Variants in CRISP3 observed in about 807,000 individuals in gnomAD.
CRISP3 encodes the protein cysteine-rich secretory protein 3.
In CRISP3, 33 loss-of-function variants were observed where a neutral mutation model predicts 36.1. That is an observed-to-expected ratio of 0.91 (90% confidence interval 0.69 to 1.22). The LOEUF is 1.22. Among genes scored for constraint, CRISP3 ranks in the 50% most tolerant of loss-of-function variants. The pLI is 0.00. For missense variants in CRISP3, 330 were observed against 301.2 expected (o/e 1.10, Z -0.71); for synonymous variants, 117 against 104.6 (o/e 1.12, Z -0.72).
chr6:49,738,075 C>T (rs1210535699), intron 1 of CRISP3, among the ~76,000 whole-genome samples: 1 of 152,066 alleles, frequency 6.6e-6, no homozygotes, highest in Non-Finnish European at 1.5e-5. Context: ...ACATTTTTTT[C>T]CTCTGGATCT....
At position 49,735,495 on chromosome 6, in the gene CRISP3, T is replaced by C; in HGVS notation, c.316+9A>G. On this transcript the variant is annotated intron_variant, in intron 4 of 7. Transcript: ENST00000263045. ...GATTTATTCAACAAATATTTCCTAA[T>C]TTACATACTTGTCATTCGATCCTTT... is the stretch of plus-strand genomic sequence containing the variant. 6.3e-7 allele frequency: 1 copy of C among 1,587,418 alleles called. No individual in the cohort carries two copies. Among genetic ancestry groups the C allele is most frequent in the East Asian group, 2.2e-5 (1 of 44,628 alleles).
rs1013049110 is a variant in CRISP3 at position 49,744,387 on chromosome 6, G to T, written c.-20C>A. The T allele has an allele frequency of 2.4e-5, 37 of 1,531,368 alleles. No individual in the cohort carries two copies. Among genetic ancestry groups the T allele is most frequent in the Non-Finnish European group, 3.1e-5 (36 of 1,143,888 alleles). The allele number at this position is 1,531,368 out of a possible 1,614,324, so 94.9% of individuals were successfully genotyped here. On this transcript the variant is annotated 5_prime_UTR_variant, in exon 1 of 8. Transcript: ENST00000263045. ...TTTCATCTATTGACAGAAGGAAGGT[G>T]CAGAGAGAGAAGGTTAGAGCCGTAT... is the stretch of plus-strand genomic sequence containing the variant.
chr6:49,728,935 T>C, intron 7 of CRISP3, 78 bp from the exon 8 acceptor site: 1 of 1,401,774 alleles, frequency 7.1e-7, no homozygotes, highest in Non-Finnish European at 9.8e-7. Flanking sequence ...ACATTCTATA[T>C]GAACGGAGAG....
intron 1 of CRISP3, among the ~76,000 whole-genome samples, chr6:49,739,197 C>T (rs148329859): frequency 1.1e-3 from 167 of 152,294 alleles, no homozygotes; most frequent in African/African-American, 3.8e-3. Context: ...CCCTCTAGTG[C>T]GTCTCCTGCA....
Position 49,733,208 on chromosome 6 carries a change from G to C in CRISP3, c.547C>G (p.Gln183Glu). 1 of 1,589,828 alleles carries C rather than the reference G, an allele frequency of 6.3e-7. No individual in the cohort carries two copies. Among genetic ancestry groups the C allele is most frequent in the Non-Finnish European group, 8.6e-7 (1 of 1,161,306 alleles). Residue 183 changes from glutamine (Q) to glutamate (E), a missense_variant, in exon 6 of 8, where the codon CAA (glutamine) becomes GAA (glutamate). By Grantham distance (29) the Gln-to-Glu change is conservative (BLOSUM62 2). Coordinates refer to ENST00000263045, the MANE Select transcript of CRISP3 (RefSeq NM_006061.4). Reference protein sequence around the residue: ...QKVLKYYYVCQYCPAGNWANR... With the variant: ...QKVLKYYYVCEYCPAGNWANR... ...ATATATACTTACGCAGGACAATATT[G>C]GCAAACATAGTAGTATTTTAGAACT...
Position 49,728,646 on chromosome 6 carries a change from A to T in CRISP3, c.*84T>A, listed in dbSNP as rs1263104422. ...ACATGCCTACAATTTCTCAGCTAGT[A>T]TATGTTAAATCTAAGTAGATGCCAA... is the stretch of plus-strand genomic sequence containing the variant. On this transcript the variant is annotated 3_prime_UTR_variant, in exon 8 of 8. Coordinates refer to ENST00000263045, the MANE Select transcript of CRISP3 (RefSeq NM_006061.4). The T allele has an allele frequency of 2.6e-6, 3 of 1,149,974 alleles. No individual in the cohort carries two copies. Among genetic ancestry groups the T allele is most frequent in the Non-Finnish European group, 3.5e-6 (3 of 859,368 alleles). The allele number at this position is 1,149,974 out of a possible 1,614,324, so 71.2% of individuals were successfully genotyped here. A position where few individuals can be genotyped will look rare whatever the true frequency, so the allele number is the denominator to read the frequency against.
At chr6:49,740,575 ATGTGTGTGTG>A (rs35601509) in intron 1 of CRISP3, among the ~76,000 whole-genome samples, 56 of 141,540 alleles carry the variant, frequency 4.0e-4, no homozygotes, top group Admixed American at 5.7e-4. Flanking sequence ...GTGTATATGG[ATGTGTGTGTG>A]TGTGTGTGTG....
At chr6:49,739,638 C>T (rs1262602748) in intron 1 of CRISP3, among the ~76,000 whole-genome samples, 1 of 152,112 alleles carries the variant, frequency 6.6e-6, no homozygotes, top group East Asian at 1.9e-4. Flanking sequence ...CAGAGAGTCG[C>T]TGTAATATTT....
intron 6 of CRISP3, 36 bp downstream of exon 6, chr6:49,733,159 G>A (rs1768956471): frequency 1.7e-6 from 2 of 1,146,214 alleles, no homozygotes; most frequent in Non-Finnish European, 2.5e-6. Flanking sequence ...ATTGTATTTA[G>A]CATTATTGAC....
At chr6:49,739,882 T>C (rs1769155143) in intron 1 of CRISP3, among the ~76,000 whole-genome samples, 1 of 152,218 alleles carries the variant, frequency 6.6e-6, no homozygotes, top group African/African-American at 2.4e-5. Context: ...CTTAATTCAT[T>C]TCACTTGAAA....
chr6:49,735,699 T>C, intron 3 of CRISP3, 108 bp from the exon 4 acceptor site: 2 of 699,874 alleles, frequency 2.9e-6, no homozygotes, highest in Non-Finnish European at 4.7e-6. Context: ...AAAATTTCTG[T>C]ACAAGCATCT....
chr6:49,742,618 C>G (rs1349726396), intron 1 of CRISP3, among the ~76,000 whole-genome samples: 1 of 94,150 alleles, frequency 1.1e-5, no homozygotes, highest in African/African-American at 4.4e-5. Context: ...GGCGACAGAG[C>G]AAGACTCCAT....
At chr6:49,736,056 A>G (rs1769043483) in intron 3 of CRISP3, among the ~76,000 whole-genome samples, 1 of 149,622 alleles carries the variant, frequency 6.7e-6, no homozygotes, top group South Asian at 2.1e-4. Context: ...TTTACCCTAC[A>G]TGGCATTTAT....
chr6:49,733,422 T>C (rs1306333796), intron 5 of CRISP3, 130 bp from the exon 6 acceptor site: 5 of 659,098 alleles, frequency 7.6e-6, no homozygotes, highest in African/African-American at 5.5e-5. Flanking sequence ...CTTATGGCTA[T>C]ATTTAGTTAA....
intron 1 of CRISP3, among the ~76,000 whole-genome samples, chr6:49,741,159 A>G (rs528241133): frequency 6.6e-5 from 10 of 151,380 alleles, no homozygotes; most frequent in East Asian, 5.8e-4. Flanking sequence ...ACCAAAAAAA[A>G]AAAAACAAAA....
intron 7 of CRISP3, among the ~76,000 whole-genome samples, chr6:49,729,537 T>C (rs779747244): frequency 8.5e-5 from 13 of 152,282 alleles, no homozygotes; most frequent in South Asian, 8.3e-4. Flanking sequence ...CATCATCCTA[T>C]CTACAAGCTT....
chr6:49,737,199 C>G (rs984380010), intron 2 of CRISP3, 126 bp downstream of exon 2: 1 of 681,158 alleles, frequency 1.5e-6, no homozygotes, highest in Admixed American at 2.5e-5. Flanking sequence ...CTACCTTGAG[C>G]TACTAATGAG....
At chr6:49,735,088 T>A (rs984926298) in intron 4 of CRISP3, among the ~76,000 whole-genome samples, 6 of 152,044 alleles carry the variant, frequency 3.9e-5, no homozygotes, top group Non-Finnish European at 8.8e-5. Flanking sequence ...ATTAAGTAGG[T>A]TTCAAAACAC....
chr6:49,731,153 TCAAACTTACTGCATAGTC>T lies in CRISP3; in HGVS notation c.641_649+9del. On this transcript the variant is annotated splice_donor_variant and splice_donor_5th_base_variant and coding_sequence_variant and intron_variant, in exon 7 of 8. Transcript: ENST00000263045. LOFTEE classifies it high-confidence loss of function. ...TTATTTTATTATCAAGTTAATCACT[TCAAACTTACTGCATAGTC>T]CATCGTCACAGTTATCTGGGCAACT... The T allele has an allele frequency of 6.4e-7, 1 of 1,565,156 alleles. No individual in the cohort carries two copies. The highest frequency in any genetic ancestry group is 8.7e-7 in the Non-Finnish European group (1 of 1,147,636).
Sources: allele counts gnomAD v4.1 joint callset (sites outside exome capture counted in the v4.1 genomes callset), GRCh38; gene constraint gnomAD v4.1.1; transcripts MANE v1.5; gene names NCBI Gene and HGNC (gene_info 2026-07-23, HGNC 2026-07-21).